The following TMEM117 variants were observed in gnomAD, a reference collection of about 807,000 sequenced individuals.
TMEM117 encodes transmembrane protein 117.
Under a neutral mutation model 52.4 loss-of-function variants are expected in TMEM117, and 27 were observed. The observed-to-expected ratio is 0.51, with a 90% CI of 0.38 to 0.71. The LOEUF (loss-of-function observed/expected upper bound fraction) is 0.71. TMEM117 is among the 30% of genes least tolerant of loss of function. TMEM117 has a pLI of 0.00. For missense variants in TMEM117, 556 were observed against 630.5 expected (o/e 0.88, Z 1.26); for synonymous variants, 215 against 206.3 (o/e 1.04, Z -0.36).
At chr12:43,959,162 G>C (rs1458279355) in intron 3 of TMEM117, among the ~76,000 whole-genome samples, 2 of 152,144 alleles carry the variant, frequency 1.3e-5, no homozygotes, top group Admixed American at 1.3e-4. Flanking sequence ...AGGATAAATA[G>C]GAAAAATAAA....
At chr12:44,287,527 A>G (rs566162368) in intron 5 of TMEM117, among the ~76,000 whole-genome samples, 9 of 152,272 alleles carry the variant, frequency 5.9e-5, no homozygotes, top group Non-Finnish European at 1.2e-4. Flanking sequence ...CTGCCATGAA[A>G]TTTCCTTTTA....
chr12:44,077,015 T>G (rs1228601787), intron 3 of TMEM117, among the ~76,000 whole-genome samples: 1 of 152,136 alleles, frequency 6.6e-6, no homozygotes, highest in Non-Finnish European at 1.5e-5. Context: ...GCCCAAGTGT[T>G]TTTGCTTCTA....
chr12:44,167,864 C>G (rs1287096193), intron 4 of TMEM117, among the ~76,000 whole-genome samples: 2 of 152,156 alleles, frequency 1.3e-5, no homozygotes, highest in African/African-American at 4.8e-5. Context: ...GTGCCCAGCA[C>G]AGTCAGAACT....
chr12:44,387,408 A>T (rs907031344), intron 7 of TMEM117, among the ~76,000 whole-genome samples: 1 of 152,012 alleles, frequency 6.6e-6, no homozygotes, highest in East Asian at 1.9e-4. Context: ...TTCATAAGGT[A>T]TGGTTACATT....
intron 4 of TMEM117, among the ~76,000 whole-genome samples, chr12:44,159,320 T>G (rs1948868522): frequency 6.6e-6 from 1 of 152,192 alleles, no homozygotes; most frequent in South Asian, 2.1e-4. Flanking sequence ...GCCAGCTTGT[T>G]GGACTCTAGC....
intron 3 of TMEM117, among the ~76,000 whole-genome samples, chr12:44,020,341 C>T (rs1450097702): frequency 6.6e-6 from 1 of 152,118 alleles, no homozygotes; most frequent in Non-Finnish European, 1.5e-5. Context: ...AGTGGTTATG[C>T]CTCTTACTAT....
chr12:43,964,717 G>C (rs1337735794), intron 3 of TMEM117, among the ~76,000 whole-genome samples: 1 of 152,184 alleles, frequency 6.6e-6, no homozygotes, highest in African/African-American at 2.4e-5. Context: ...ACATTGGACT[G>C]ACTGGTGGCT....
chr12:43,874,853 A>T (rs1265918854), intron 2 of TMEM117, among the ~76,000 whole-genome samples: 1 of 152,208 alleles, frequency 6.6e-6, no homozygotes, highest in Non-Finnish European at 1.5e-5. Flanking sequence ...ATGCACTGAA[A>T]TCCTTCATTT....
At chr12:43,888,100 A>C (rs186685371) in intron 2 of TMEM117, among the ~76,000 whole-genome samples, 50 of 152,308 alleles carry the variant, frequency 3.3e-4, no homozygotes, top group Admixed American at 2.5e-3. Flanking sequence ...CTAAGTTCAG[A>C]TGTTGGTTGT....
chr12:43,913,195 G>C (rs577261169), intron 2 of TMEM117, among the ~76,000 whole-genome samples: 1 of 152,226 alleles, frequency 6.6e-6, no homozygotes, highest in Admixed American at 6.5e-5. Context: ...TTCATGAACT[G>C]TCTATGGGTC....
chr12:43,855,478 T>C (rs1180484759), intron 2 of TMEM117, among the ~76,000 whole-genome samples: 2 of 152,186 alleles, frequency 1.3e-5, no homozygotes, highest in African/African-American at 2.4e-5. Context: ...GTTAAAAAAA[T>C]AGAATAATTT....
At chr12:43,970,269 C>T (rs977230178) in intron 3 of TMEM117, among the ~76,000 whole-genome samples, 3 of 146,824 alleles carry the variant, frequency 2.0e-5, no homozygotes, top group Non-Finnish European at 4.5e-5. Flanking sequence ...TATAATTGCT[C>T]TCCTTTATTT....
intron 6 of TMEM117, among the ~76,000 whole-genome samples, chr12:44,311,777 G>GTGTATATATGTATATATATGTATATA (rs398019335): frequency 1.9e-5 from 2 of 107,624 alleles, no homozygotes; most frequent in African/African-American, 8.0e-5. Flanking sequence ...ATGTATATAT[G>GTGTATATATGTATATATATGTATATA]TGTATATATG....
At chr12:44,143,860 T>G (rs772091715) in intron 4 of TMEM117, among the ~76,000 whole-genome samples, 3 of 152,286 alleles carry the variant, frequency 2.0e-5, no homozygotes, top group South Asian at 2.1e-4. Flanking sequence ...TCGATCGATC[T>G]ATCTATCTAT....
intron 3 of TMEM117, among the ~76,000 whole-genome samples, chr12:44,082,512 T>C (rs1325530557): frequency 6.6e-6 from 1 of 152,044 alleles, no homozygotes; most frequent in Non-Finnish European, 1.5e-5. Context: ...TTTCTTCTTA[T>C]GGTTTTTAAA....
At chr12:44,129,632 G>T (rs1475104188) in intron 3 of TMEM117, among the ~76,000 whole-genome samples, 1 of 152,100 alleles carries the variant, frequency 6.6e-6, no homozygotes, top group Non-Finnish European at 1.5e-5. Flanking sequence ...ATTTTTATGG[G>T]TCTTTCAAAT....
chr12:43,916,681 G>T (rs1944608819), intron 2 of TMEM117, among the ~76,000 whole-genome samples: 1 of 152,136 alleles, frequency 6.6e-6, no homozygotes. Context: ...TTACATTACT[G>T]TTGCTGGAGT....
intron 4 of TMEM117, among the ~76,000 whole-genome samples, chr12:44,154,222 A>G (rs1159716496): frequency 6.6e-6 from 1 of 152,126 alleles, no homozygotes; most frequent in African/African-American, 2.4e-5. Context: ...TGTAAGATCA[A>G]ATAAATTTCT....
intron 3 of TMEM117, among the ~76,000 whole-genome samples, chr12:44,006,172 A>T (rs888529635): frequency 6.6e-6 from 1 of 152,196 alleles, no homozygotes; most frequent in Admixed American, 6.5e-5. Flanking sequence ...GAAAAAGAAC[A>T]TTCACCACTT....
Sources: gnomAD v4.1 joint callset for allele counts (sites outside exome capture counted in the v4.1 genomes callset) on GRCh38, gnomAD v4.1.1 for gene constraint, MANE v1.5 for transcripts, NCBI Gene and HGNC (gene_info 2026-07-23, HGNC 2026-07-21) for gene names.